The following GALNT10 variants were observed in gnomAD, a reference collection of about 807,000 sequenced individuals.
The protein encoded by GALNT10 is polypeptide N-acetylgalactosaminyltransferase 10, also known as GalNAc transferase 10.
GALNT10 carries 41 observed loss-of-function variants against 75.0 expected under a neutral mutation model. The observed-to-expected ratio is 0.55, with a 90% CI of 0.43 to 0.71. The LOEUF is 0.71. GALNT10 is among the 30% of genes least tolerant of loss of function. The pLI is 0.00. For missense variants in GALNT10, 727 were observed against 818.5 expected (o/e 0.89, Z 1.36); for synonymous variants, 302 against 313.0 (o/e 0.96, Z 0.37).
chr5:154,374,006 G>A (rs1755616905), intron 4 of GALNT10, among the ~76,000 whole-genome samples: 1 of 152,162 alleles, frequency 6.6e-6, no homozygotes, highest in South Asian at 2.1e-4. Flanking sequence ...TGACCTATCA[G>A]TTGAACCCAG....
At chr5:154,327,613 T>C (rs142773054) in intron 3 of GALNT10, among the ~76,000 whole-genome samples, 1 of 152,324 alleles carries the variant, frequency 6.6e-6, no homozygotes, top group African/African-American at 2.4e-5. Flanking sequence ...TAATTGACCA[T>C]CGTTGGAGGA....
rs141871365 is a variant in GALNT10, at chr5:154,258,950, A to C, written c.160-35866A>C. Among the ~76,000 whole-genome samples, 306 of 152,330 alleles carry C rather than the reference A, an allele frequency of 2.0e-3. 1 individual carries two copies. Among genetic ancestry groups the C allele is most frequent in the African/African-American group, 6.9e-3 (287 of 41,568 alleles). ...TTTGAAATAATTTTAGATTTACAAA[A>C]AAAGTTGCAAAAATAATTCTTTGTA... On this transcript the variant is annotated intron_variant, in intron 1 of 11. Transcript: ENST00000297107.
At chr5:154,239,495 C>T (rs1753298755) in intron 1 of GALNT10, among the ~76,000 whole-genome samples, 1 of 152,180 alleles carries the variant, frequency 6.6e-6, no homozygotes, top group South Asian at 2.1e-4. Flanking sequence ...AACGTGCATG[C>T]AAGGGATCCA....
Position 154,409,735 on chromosome 5 carries a change from G to A in GALNT10, c.1359G>A (p.Val453=). 1 of 1,613,924 alleles carries A rather than the reference G, an allele frequency of 6.2e-7. No homozygotes were observed. The highest frequency in any genetic ancestry group is 8.5e-7 in the Non-Finnish European group (1 of 1,179,866). Reference sequence around the variant, plus strand: ...ACCTGCCCAAATTCTACCCACCCGTGGAGCCCCCGGCTGCAGCTTGGGGGG... The same window carrying A: ...ACCTGCCCAAATTCTACCCACCCGTAGAGCCCCCGGCTGCAGCTTGGGGGG... ...AWDLPKFYPP[V]EPPAAAWGEI... is the part of the protein sequence containing the mutation. Residue 453 remains valine, a synonymous_variant, in exon 9 of 12, where the codon GTG becomes GTA. Transcript: ENST00000297107. The surrounding 1 kb of genome is among the most constrained non-coding windows in gnomAD (Gnocchi z 4.5).
At position 154,267,721 on chromosome 5, in the gene GALNT10, A is replaced by C. The variant is rs563901886; in HGVS notation, c.160-27095A>C. On this transcript the variant is annotated intron_variant, in intron 1 of 11. Transcript: ENST00000297107. Reference sequence around the variant, plus strand: ...AAGAGCCTTCTAACTCTAAGACACTAGGTTTAGTCAGCCAAAAGCATGTGA... The same window carrying C: ...AAGAGCCTTCTAACTCTAAGACACTCGGTTTAGTCAGCCAAAAGCATGTGA... Among the ~76,000 whole-genome samples the C allele has an allele frequency of 3.3e-5, 5 of 152,272 alleles. No homozygotes were observed. The South Asian group carries it at 1.0e-3, about 32-fold the overall frequency.
Position 154,407,693 on chromosome 5 carries a change from T to C in GALNT10, c.1165-1848T>C, listed in dbSNP as rs115260825. Among the ~76,000 whole-genome samples the C allele has an allele frequency of 5.5e-3, 838 of 152,330 alleles. 8 individuals carry two copies. The highest frequency in any genetic ancestry group is 0.019 in the African/African-American group (771 of 41,576). ...AATATTGTGTTTCAGAGTGTTCATGTAGACAGTCTCTGTTAGGCCTTCAAC... is the reference window on the plus strand; with the variant it reads ...AATATTGTGTTTCAGAGTGTTCATGCAGACAGTCTCTGTTAGGCCTTCAAC... On this transcript the variant is annotated intron_variant, in intron 8 of 11. Coordinates refer to ENST00000297107, the MANE Select transcript of GALNT10 (RefSeq NM_198321.4).
At chr5:154,212,844 T>G (rs1752784569) in intron 1 of GALNT10, among the ~76,000 whole-genome samples, 1 of 152,142 alleles carries the variant, frequency 6.6e-6, no homozygotes. Flanking sequence ...GACAGGTGCC[T>G]GTAGTCCCAG....
At chr5:154,260,038 A>G (rs547260458) in intron 1 of GALNT10, among the ~76,000 whole-genome samples, 5 of 152,288 alleles carry the variant, frequency 3.3e-5, no homozygotes, top group Non-Finnish European at 7.4e-5. Context: ...AAACAAACAA[A>G]CAAACAAATT....
intron 7 of GALNT10, among the ~76,000 whole-genome samples, chr5:154,400,043 C>CAGG (rs1256076249): frequency 6.6e-6 from 1 of 152,088 alleles, no homozygotes; most frequent in Admixed American, 6.5e-5. Flanking sequence ...GAGGCTGAGG[C>CAGG]AGGAGGGTCA....
chr5:154,212,858 C>T (rs936380319), intron 1 of GALNT10, among the ~76,000 whole-genome samples: 2 of 152,026 alleles, frequency 1.3e-5, no homozygotes, highest in African/African-American at 4.8e-5. Flanking sequence ...GTCCCAGCTA[C>T]TCGGGAGGCT....
chr5:154,213,973 G>C (rs1752825787), intron 1 of GALNT10, among the ~76,000 whole-genome samples: 1 of 152,172 alleles, frequency 6.6e-6, no homozygotes, highest in Non-Finnish European at 1.5e-5. Flanking sequence ...CCCTTCCAGA[G>C]TTCTCCATCA....
chr5:154,340,480 G>C (rs576988705), intron 4 of GALNT10, among the ~76,000 whole-genome samples: 2 of 152,260 alleles, frequency 1.3e-5, no homozygotes, highest in African/African-American at 2.4e-5. Context: ...TTTAAATAGT[G>C]ATATGAAATG....
intron 4 of GALNT10, among the ~76,000 whole-genome samples, chr5:154,350,823 A>G (rs1051557764): frequency 1.3e-5 from 2 of 152,258 alleles, no homozygotes; most frequent in Non-Finnish European, 2.9e-5. Context: ...AAATCGTGGT[A>G]GAAAATTCCA....
chr5:154,197,609 G>A (rs114950823), intron 1 of GALNT10, among the ~76,000 whole-genome samples: 4,662 of 152,242 alleles, frequency 0.031, 115 homozygotes, highest in Middle Eastern at 0.13. Flanking sequence ...AGAGAATGCT[G>A]AGCTTCAGAT....
At chr5:154,360,671 C>T (rs1755371501) in intron 4 of GALNT10, among the ~76,000 whole-genome samples, 1 of 152,148 alleles carries the variant, frequency 6.6e-6, no homozygotes, top group Admixed American at 6.5e-5. Context: ...ACAGTGGTTA[C>T]CTATGAGACA....
chr5:154,367,476 A>G (rs1343402129), intron 4 of GALNT10, among the ~76,000 whole-genome samples: 3 of 152,078 alleles, frequency 2.0e-5, no homozygotes, highest in Non-Finnish European at 2.9e-5. Context: ...AGACAGGAGG[A>G]GGGATGGGAG....
intron 7 of GALNT10, chr5:154,388,835 G>T (rs1266195025): frequency 1.4e-5 from 2 of 145,086 alleles, no homozygotes; most frequent in Non-Finnish European, 3.0e-5. Context: ...GATCTCTTGA[G>T]CCTAGGAGTT....
intron 1 of GALNT10, among the ~76,000 whole-genome samples, chr5:154,272,523 C>T (rs1023167773): frequency 1.3e-5 from 2 of 152,300 alleles, no homozygotes; most frequent in Admixed American, 1.3e-4. Flanking sequence ...AGGAACACCA[C>T]GTGGGCAGTG....
At chr5:154,221,267 A>G (rs1366063198) in intron 1 of GALNT10, among the ~76,000 whole-genome samples, 2 of 152,154 alleles carry the variant, frequency 1.3e-5, no homozygotes, top group Non-Finnish European at 2.9e-5. Context: ...CTCCACTGAC[A>G]TTTCATTTTT....
Sources: gnomAD v4.1 joint callset for allele counts (sites outside exome capture counted in the v4.1 genomes callset) on GRCh38, gnomAD v4.1.1 for gene constraint, Gnocchi (gnomAD v3.1) non-coding constraint, MANE v1.5 for transcripts, NCBI Gene and HGNC (gene_info 2026-07-23, HGNC 2026-07-21) for gene names.